The following FMNL3 variants were observed in gnomAD, a reference collection of about 807,000 sequenced individuals.
FMNL3 encodes the protein formin like 3.
Under a neutral mutation model 119.6 loss-of-function variants are expected in FMNL3, and 57 were observed. That is an observed-to-expected ratio of 0.48 (90% CI 0.39 to 0.59). The LOEUF is 0.59. Among genes scored for constraint, FMNL3 ranks in the 20% least tolerant of loss-of-function variants. The pLI is 0.00. For missense variants in FMNL3, 1,053 were observed against 1,323.5 expected, an observed-to-expected ratio of 0.80 and a Z score of 3.17; for synonymous variants, 491 against 507.3, an observed-to-expected ratio of 0.97 and a Z score of 0.43.
chr12:49,637,354 A>C lies in FMNL3; in HGVS notation c.*8461T>G. 1 of 683,974 alleles carries C rather than the reference A, an allele frequency of 1.5e-6. No homozygotes were observed. The allele number at this position is 683,974 out of a possible 1,614,324, so 42.4% of individuals were successfully genotyped here. ...CTTCATCTCTGCCTCTCTTGCCTGC[A>C]TTTCCTCAATCTTGATTGTCCCTGC... On this transcript the variant is annotated 3_prime_UTR_variant, in exon 26 of 26. Coordinates refer to ENST00000335154, the MANE Select transcript of FMNL3 (RefSeq NM_175736.5).
chr12:49,657,606 C>T (rs778519321), intron 6 of FMNL3, among the ~76,000 whole-genome samples: 1 of 152,144 alleles, frequency 6.6e-6, no homozygotes, highest in Non-Finnish European at 1.5e-5. Flanking sequence ...TTCTGTATCA[C>T]AGAAAAGGCA....
rs1943502311 is a variant in FMNL3, at chr12:49,654,302, C to T, written c.961G>A (p.Val321Met). ...ATGTTGATGAACTGCATGCAGGCCA[C>T]CTGAAGAAGAGGAGGCCCAGAGAAG... ...RNEDSNIDFMVACMQFINIVV... is the reference protein window; with the variant it reads ...RNEDSNIDFMMACMQFINIVV... The change falls in exon 11 of 26, where the codon GTG becomes ATG. Residue 321 changes from valine to methionine, a missense_variant and splice_region_variant. Physicochemically the swap from Val to Met is conservative, Grantham distance 21. Coordinates refer to ENST00000335154, the MANE Select transcript of FMNL3 (RefSeq NM_175736.5). 1.2e-6 allele frequency: 2 copies of T among 1,611,884 alleles called. No homozygotes were observed. The highest frequency in any genetic ancestry group is 1.7e-6 in the Non-Finnish European group (2 of 1,178,636).
Position 49,636,514 on chromosome 12 carries a change from T to C in FMNL3, c.*9301A>G. 2 of 565,154 alleles carry C rather than the reference T, an allele frequency of 3.5e-6. No homozygotes were observed. The highest frequency in any genetic ancestry group is 6.2e-6 in the Non-Finnish European group (2 of 324,360). The allele number at this position is 565,154 out of a possible 1,614,324, so 35.0% of individuals were successfully genotyped here. A position where few individuals can be genotyped will look rare whatever the true frequency, so the allele number is the denominator to read the frequency against. On this transcript the variant is annotated 3_prime_UTR_variant, in exon 26 of 26. Transcript: ENST00000335154. ...TCACAAGAGCTGAATACTTGCTTATTTATTCTTATACAATTAATGATCCCC... is the reference window on the plus strand; with the variant it reads ...TCACAAGAGCTGAATACTTGCTTATCTATTCTTATACAATTAATGATCCCC...
intron 1 of FMNL3, among the ~76,000 whole-genome samples, chr12:49,694,997 T>C (rs1377532539): frequency 6.6e-6 from 1 of 151,910 alleles, no homozygotes; most frequent in Non-Finnish European, 1.5e-5. Flanking sequence ...TAACTTTTAA[T>C]TACATAACTA....
intron 13 of FMNL3, among the ~76,000 whole-genome samples, chr12:49,652,416 C>T (rs1034317816): frequency 4.6e-5 from 7 of 152,192 alleles, no homozygotes; most frequent in African/African-American, 1.2e-4. Context: ...TGCCTCCCTC[C>T]GCTGGCACCC....
In FMNL3 at chr12:49,653,733, C is replaced by A; in HGVS notation, c.1213G>T (p.Val405Leu). 1 of 1,614,120 alleles carries A rather than the reference C, an allele frequency of 6.2e-7. No homozygotes were observed. Among genetic ancestry groups the A allele is most frequent in the South Asian group, 1.1e-5 (1 of 91,070 alleles). Residue 405 changes from valine to leucine, a missense_variant, in exon 12 of 26, where the codon GTG becomes TTG. Coordinates refer to ENST00000335154, the MANE Select transcript of FMNL3 (RefSeq NM_175736.5). Reference protein sequence around the residue: ...LEKVEELEEHVSHLTEKLLDL... With the variant: ...LEKVEELEEHLSHLTEKLLDL... ...AAAGGAAGACCACCTACATGGGACA[C>A]ATGCTCCTCCAACTCCTCCACCTTC...
rs1943244801 is a variant in FMNL3 at position 49,647,535 on chromosome 12, C to T, written c.2779-167G>A. On this transcript the variant is annotated intron_variant, in intron 23 of 25. Transcript: ENST00000335154. This position sits in a 1 kb window ranked among gnomAD's most constrained non-coding sequence, Gnocchi z 4.9. ...AACAATGACAGGAAGGTCCTGGGCC[C>T]CACCCTGCCCACCAGTTCACAGCTA... Among the ~76,000 whole-genome samples, 1 of 152,092 alleles carries T rather than the reference C, an allele frequency of 6.6e-6. No individual in the cohort carries two copies. The highest frequency in any genetic ancestry group is 2.4e-5 in the African/African-American group (1 of 41,412).
intron 6 of FMNL3, among the ~76,000 whole-genome samples, 163 bp from the exon 7 acceptor site, chr12:49,657,353 G>A (rs1943604200): frequency 6.6e-6 from 1 of 152,160 alleles, no homozygotes; most frequent in Non-Finnish European, 1.5e-5. Flanking sequence ...CAGGAGGCAG[G>A]GTGGTCAGCC....
intron 1 of FMNL3, among the ~76,000 whole-genome samples, chr12:49,668,823 G>A (rs1368942753): frequency 6.6e-6 from 1 of 152,160 alleles, no homozygotes; most frequent in Admixed American, 6.5e-5. Context: ...ATTAAAATAG[G>A]ATAGAAGATA....
chr12:49,676,338 CCTT>C (rs1198866368), intron 1 of FMNL3, among the ~76,000 whole-genome samples: 2 of 152,116 alleles, frequency 1.3e-5, no homozygotes, highest in Non-Finnish European at 2.9e-5. Context: ...GGGAATATAA[CCTT>C]CTTTTCTCCT....
chr12:49,664,621 G>C (rs150491359), intron 4 of FMNL3, among the ~76,000 whole-genome samples: 4 of 152,118 alleles, frequency 2.6e-5, no homozygotes, highest in Non-Finnish European at 4.4e-5. Flanking sequence ...AAAGGAAGAG[G>C]CTTGGCCACA....
In FMNL3 at chr12:49,657,220, G is replaced by A. The variant is rs116640418; in HGVS notation, c.606-30C>T. The A allele has an allele frequency of 2.6e-3, 4,060 of 1,538,022 alleles. 91 individuals carry two copies. The African/African-American group carries it at 0.046, about 17-fold the overall frequency. ...GGAGATGGGCCAGGCAGTCAGGTGG[G>A]AGCTGAGGCTGCCAGTGAAGCATCT... On this transcript the variant is annotated intron_variant, in intron 6 of 25. Coordinates refer to ENST00000335154, the MANE Select transcript of FMNL3 (RefSeq NM_175736.5).
In FMNL3 at chr12:49,650,826, G is replaced by C; in HGVS notation, c.1850C>G (p.Pro617Arg). 1 of 1,614,228 alleles carries C rather than the reference G, an allele frequency of 6.2e-7. No individual in the cohort carries two copies. Reference protein sequence around the residue: ...EELFKTKAQGPALDLICSKNK... With the variant: ...EELFKTKAQGRALDLICSKNK... Reference sequence around the variant, plus strand: ...TTTGGAGCAGATGAGGTCAAGGGCAGGGCCCTGCGCTTTTGTCTTGAATAA... The same window carrying C: ...TTTGGAGCAGATGAGGTCAAGGGCACGGCCCTGCGCTTTTGTCTTGAATAA... The change falls in exon 17 of 26, where the codon CCT (proline) becomes CGT (arginine). Residue 617 changes from proline to arginine, a missense_variant. Physicochemically the swap from Pro to Arg is moderately radical, Grantham distance 103. This residue lies in a region of FMNL3 where 445 missense variants were observed against 628.4 expected (regional missense o/e 0.71). Transcript: ENST00000335154.
At chr12:49,671,175 A>T (rs974193951) in intron 1 of FMNL3, among the ~76,000 whole-genome samples, 4 of 152,216 alleles carry the variant, frequency 2.6e-5, no homozygotes, top group Non-Finnish European at 4.4e-5. Context: ...CACCAGGTGA[A>T]CTGATGAGGA....
chr12:49,649,076 A>G lies in FMNL3; in HGVS notation c.2468T>C (p.Leu823Pro), dbSNP rs541394509. The change falls in exon 21 of 26, where the codon CTG (leucine) becomes CCG (proline). Residue 823 changes from leucine (L) to proline (P), a missense_variant. Around this residue, in one of 4 missense-constraint regions of FMNL3, gnomAD observed 324 missense variants for 380.9 expected, o/e 0.85. Coordinates refer to ENST00000335154, the MANE Select transcript of FMNL3 (RefSeq NM_175736.5). This position sits in a 1 kb window ranked among gnomAD's most constrained non-coding sequence, Gnocchi z 5.6. ...GTGCAGCTCATGCCAGAAGTTAGCC[A>G]GGTCTGGGTATTTCTCCTTCACTGT... is the stretch of plus-strand genomic sequence containing the variant. ...ALTVKEKYPD[L>P]ANFWHELHFV... The G allele has an allele frequency of 6.2e-7, 1 of 1,612,944 alleles. No individual in the cohort carries two copies. The highest frequency in any genetic ancestry group is 1.1e-5 in the South Asian group (1 of 90,900).
In FMNL3 at chr12:49,707,094, A is replaced by T; in HGVS notation, c.87T>A (p.Pro29=). 6.2e-7 allele frequency: 1 copy of T among 1,600,264 alleles called. No individual in the cohort carries two copies. Among genetic ancestry groups the T allele is most frequent in the Non-Finnish European group, 8.5e-7 (1 of 1,174,676 alleles). ...ACCTTTCCTCCAGCTCACAGGGCTC[A>T]GGCATCGGCATCTTGCCGGGCGGCA... ...LLLPPGKMPM[P]EPCELEERFA... Residue 29 remains proline, a synonymous_variant, in exon 1 of 26, where the codon CCT becomes CCA. Coordinates refer to ENST00000335154, the MANE Select transcript of FMNL3 (RefSeq NM_175736.5).
chr12:49,672,577 G>A (rs1028061105), intron 1 of FMNL3, among the ~76,000 whole-genome samples: 6 of 152,218 alleles, frequency 3.9e-5, no homozygotes, highest in African/African-American at 1.4e-4. Flanking sequence ...TGTGAGCAAG[G>A]CCTGGTCCCT....
In FMNL3 at chr12:49,658,521, C is replaced by T. The variant is rs754025129; in HGVS notation, c.526G>A (p.Glu176Lys). 3.6e-5 allele frequency: 58 copies of T among 1,613,542 alleles called. No individual in the cohort carries two copies. The highest frequency in any genetic ancestry group is 4.7e-5 in the Non-Finnish European group (55 of 1,179,744). ...AGGGCGCTGGGTGGCTGCAGGTCCT[C>T]GATTGACCTGCTCCAGGACCGGAGT... ...DKLRSWSRSI[E>K]DLQPPSALSA... The change falls in exon 6 of 26, where the codon GAG becomes AAG. Residue 176 changes from glutamate (E) to lysine (K), a missense_variant. Around this residue, in one of 4 missense-constraint regions of FMNL3, gnomAD observed 264 missense variants for 265.5 expected, o/e 0.99. Coordinates refer to ENST00000335154, the MANE Select transcript of FMNL3 (RefSeq NM_175736.5).
intron 1 of FMNL3, among the ~76,000 whole-genome samples, chr12:49,668,822 G>C (rs532507922): frequency 2.0e-5 from 3 of 152,302 alleles, no homozygotes; most frequent in African/African-American, 7.2e-5. Context: ...GATTAAAATA[G>C]GATAGAAGAT....
Sources: allele counts gnomAD v4.1 joint callset (sites outside exome capture counted in the v4.1 genomes callset), GRCh38; gene constraint gnomAD v4.1.1; regional missense constraint gnomAD v4.1.1; non-coding constraint Gnocchi (gnomAD v3.1); transcripts MANE v1.5; gene names NCBI Gene and HGNC (gene_info 2026-07-23, HGNC 2026-07-21).